POLQ: variants seen among roughly 807,000 people sequenced by gnomAD.
The protein encoded by POLQ is DNA polymerase theta.
POLQ carries 233 observed loss-of-function variants against 259.2 expected under a neutral mutation model. That is an observed-to-expected ratio of 0.90 (90% CI 0.81 to 1.00). The LOEUF (loss-of-function observed/expected upper bound fraction) is 1.00, where lower values mean the gene tolerates loss of function less well. Ranked by LOEUF, POLQ falls within the 50% of genes least tolerant of loss-of-function variation. The probability of loss-of-function intolerance (pLI) is 0.00; values close to 1 mark genes in which losing one functional copy is unlikely to be tolerated. For synonymous variants in POLQ, 1,025 were observed against 1,048.8 expected (o/e 0.98, Z 0.44); for missense variants, 2,871 against 3,051.6 (o/e 0.94, Z 1.39).
intron 12 of POLQ, among the ~76,000 whole-genome samples, chr3:121,504,719 C>T (rs1202483311): frequency 6.6e-6 from 1 of 152,134 alleles, no homozygotes; most frequent in African/African-American, 2.4e-5. Context: ...TCAGATACTC[C>T]CTTTTGGAAT....
intron 24 of POLQ, among the ~76,000 whole-genome samples, chr3:121,465,827 T>A (rs2047831119): frequency 1.3e-5 from 2 of 152,174 alleles, no homozygotes; most frequent in African/African-American, 4.8e-5. Flanking sequence ...TTCCCTGAGA[T>A]ACAATATTAA....
chr3:121,534,214 T>A (rs986000933), intron 5 of POLQ, among the ~76,000 whole-genome samples: 4 of 152,100 alleles, frequency 2.6e-5, no homozygotes, highest in African/African-American at 7.2e-5. Context: ...TCCATTGATA[T>A]AGTGGGTTGT....
At chr3:121,476,780 C>T (rs769957424) in intron 19 of POLQ, 47 bp from the exon 20 acceptor site, 1 of 1,319,958 alleles carries the variant, frequency 7.6e-7, no homozygotes, top group Non-Finnish European at 1.1e-6. Context: ...GGCTAAGTGG[C>T]TAGATCAGCA....
intron 24 of POLQ, among the ~76,000 whole-genome samples, chr3:121,465,422 T>C (rs1576406572): frequency 6.6e-6 from 1 of 152,202 alleles, no homozygotes; most frequent in Non-Finnish European, 1.5e-5. Context: ...TTGAAACAAC[T>C]TGGGCGTGTG....
intron 12 of POLQ, among the ~76,000 whole-genome samples, chr3:121,507,195 T>C (rs560534020): frequency 1.2e-4 from 19 of 152,342 alleles, no homozygotes; most frequent in African/African-American, 4.3e-4. Context: ...TAGTTCTGAC[T>C]TTTGAATCAC....
chr3:121,452,629 A>G (rs1248104273), intron 25 of POLQ, among the ~76,000 whole-genome samples: 1 of 151,996 alleles, frequency 6.6e-6, no homozygotes, highest in African/African-American at 2.4e-5. Context: ...GCAGGAGTCT[A>G]TTAAATAGAA....
Position 121,493,411 on chromosome 3 carries a change from C to A in POLQ, c.2522+67G>T, listed in dbSNP as rs866770807. 9 of 1,179,556 alleles carry A rather than the reference C, an allele frequency of 7.6e-6. No homozygotes were observed. In the Middle Eastern group the frequency reaches 6.0e-4, roughly 79 times the overall value. 73.1% of individuals were successfully genotyped at this position (1,179,556 alleles called of 1,614,324 possible). A position where few individuals can be genotyped will look rare whatever the true frequency, so the allele number is the denominator to read the frequency against. On this transcript the variant is annotated intron_variant, in intron 15 of 29. Coordinates refer to ENST00000264233, the MANE Select transcript of POLQ (RefSeq NM_199420.4). ...GAGAAAAATAACTTTAATACATTAT[C>A]TATTATTTTAAAATTGACATTTTTT...
At chr3:121,526,194 G>A (rs502643) in intron 7 of POLQ, among the ~76,000 whole-genome samples, 120,104 of 152,092 alleles carry the variant, frequency 0.79, 47,556 homozygotes, top group East Asian at 0.89. Flanking sequence ...GCATTGTTCA[G>A]TATCAAAAGA....
At chr3:121,455,542 TA>T (rs2047727178) in intron 25 of POLQ, among the ~76,000 whole-genome samples, 3 of 147,404 alleles carry the variant, frequency 2.0e-5, no homozygotes, top group African/African-American at 7.5e-5. Flanking sequence ...AAAAAAAGGA[TA>T]AAGGGGATAT....
At chr3:121,459,823 T>C (rs1234279286) in intron 25 of POLQ, among the ~76,000 whole-genome samples, 1 of 152,026 alleles carries the variant, frequency 6.6e-6, no homozygotes, top group East Asian at 1.9e-4. Context: ...ATGCATATGG[T>C]TTTCCTGACA....
In POLQ at chr3:121,490,104, TTG is replaced by T; in HGVS notation, c.2825_2826del (p.Thr942AsnfsTer3). On this transcript the variant is annotated frameshift_variant, in exon 16 of 30. Transcript: ENST00000264233. LOFTEE classifies it high-confidence loss of function. The stretch of plus-strand genomic sequence containing the variant: ...TGCTTAATATAAGAATCACTAAATA[TTG>T]TGTTACTTTTGTTCTTTGATGTTAA... ...KKLTSKNKSNTIFSDSYIKHS... is the reference protein window; with the variant it reads ...KKLTSKNKSNXIFSDSYIKHS... 6.2e-7 allele frequency: 1 copy of T among 1,600,202 alleles called. No individual in the cohort carries two copies. Among genetic ancestry groups the T allele is most frequent in the Non-Finnish European group, 8.5e-7 (1 of 1,170,962 alleles).
intron 25 of POLQ, among the ~76,000 whole-genome samples, chr3:121,456,599 A>G (rs2047740792): frequency 1.3e-5 from 2 of 151,982 alleles, no homozygotes; most frequent in African/African-American, 4.8e-5. Flanking sequence ...ACAGACAAAC[A>G]GAGAGCCAAA....
At chr3:121,483,670 C>A in intron 17 of POLQ, 88 bp from the exon 18 acceptor site, 1 of 957,578 alleles carries the variant, frequency 1.0e-6, no homozygotes, top group Admixed American at 3.3e-5. Context: ...AGTAGAAAGA[C>A]TGAAAAAGAC....
At chr3:121,462,593 A>G in intron 24 of POLQ, among the ~76,000 whole-genome samples, 1 of 152,368 alleles carries the variant, frequency 6.6e-6, no homozygotes, top group African/African-American at 2.4e-5. Flanking sequence ...GCAGGGCGCC[A>G]AAGAACAGAC....
intron 19 of POLQ, among the ~76,000 whole-genome samples, chr3:121,479,362 A>AATGTGTG (rs140158750): frequency 0.012 from 1,734 of 142,644 alleles, 42 homozygotes; most frequent in African/African-American, 0.042. Flanking sequence ...AAAAAAAAAA[A>AATGTGTG]TGTGTGTGTG....
intron 25 of POLQ, among the ~76,000 whole-genome samples, chr3:121,455,410 C>T (rs1176438044): frequency 1.4e-5 from 2 of 141,700 alleles, no homozygotes; most frequent in African/African-American, 5.2e-5. Context: ...AATAGAGACA[C>T]AAAAAACCCT....
intron 22 of POLQ, among the ~76,000 whole-genome samples, chr3:121,470,233 T>G (rs1246052973): frequency 6.6e-6 from 1 of 152,128 alleles, no homozygotes; most frequent in Non-Finnish European, 1.5e-5. Context: ...CACTCCAGTC[T>G]GGCGACAGAG....
intron 15 of POLQ, among the ~76,000 whole-genome samples, chr3:121,491,845 G>A (rs2048071140): frequency 6.6e-6 from 1 of 151,938 alleles, no homozygotes; most frequent in Non-Finnish European, 1.5e-5. Flanking sequence ...TTAGGAACTG[G>A]GCCGCACAGC....
chr3:121,538,365 T>C (rs2108820726), intron 4 of POLQ, among the ~76,000 whole-genome samples: 1 of 152,180 alleles, frequency 6.6e-6, no homozygotes, highest in East Asian at 1.9e-4. Flanking sequence ...ACTAATACTT[T>C]CTTTAGTTAA....
Sources: allele counts gnomAD v4.1 joint callset (sites outside exome capture counted in the v4.1 genomes callset), GRCh38; gene constraint gnomAD v4.1.1; transcripts MANE v1.5; gene names NCBI Gene and HGNC (gene_info 2026-07-23, HGNC 2026-07-21).